CRPPA: variants seen among roughly 807,000 people sequenced by gnomAD.
CRPPA encodes the protein D-ribitol-5-phosphate cytidylyltransferase.
CRPPA carries 43 observed loss-of-function variants against 52.0 expected under a neutral mutation model. The observed-to-expected ratio is 0.83, with a 90% CI of 0.65 to 1.07. The LOEUF (loss-of-function observed/expected upper bound fraction) is 1.07, where lower values mean the gene tolerates loss of function less well. CRPPA is among the 50% of genes least tolerant of loss of function. The pLI is 0.00. For missense variants in CRPPA, 629 were observed against 551.7 expected (o/e 1.14, Z -1.40); for synonymous variants, 250 against 203.5 (o/e 1.23, Z -1.94).
At chr7:16,127,777 A>C (rs1333859622) in intron 9 of CRPPA, among the ~76,000 whole-genome samples, 3 of 152,168 alleles carry the variant, frequency 2.0e-5, no homozygotes, top group Non-Finnish European at 4.4e-5. Context: ...ACCTGACTAT[A>C]GTTTTGGAGA....
chr7:16,355,449 T>G (rs1477917213), intron 3 of CRPPA, among the ~76,000 whole-genome samples: 1 of 152,220 alleles, frequency 6.6e-6, no homozygotes, highest in African/African-American at 2.4e-5. Flanking sequence ...CTGTTCTGGT[T>G]GTTCATATCT....
intron 9 of CRPPA, among the ~76,000 whole-genome samples, chr7:16,138,227 C>T (rs17359782): frequency 0.14 from 20,619 of 152,060 alleles, 1,862 homozygotes; most frequent in South Asian, 0.37. Flanking sequence ...GTTTACTTAC[C>T]ACCTACAATA....
intron 6 of CRPPA, among the ~76,000 whole-genome samples, chr7:16,273,072 G>A (rs1049031891): frequency 2.0e-5 from 3 of 150,596 alleles, no homozygotes; most frequent in African/African-American, 4.9e-5. Context: ...CCATTAACTC[G>A]TCATTTAGCA....
intron 8 of CRPPA, among the ~76,000 whole-genome samples, chr7:16,237,037 G>T (rs548251993): frequency 1.3e-5 from 2 of 151,812 alleles, no homozygotes; most frequent in African/African-American, 4.8e-5. Flanking sequence ...ATCTTCATCT[G>T]CCTATTCAAC....
chr7:16,099,046 A>G (rs533529572), intron 9 of CRPPA, among the ~76,000 whole-genome samples: 2 of 152,260 alleles, frequency 1.3e-5, no homozygotes, highest in South Asian at 4.1e-4. Context: ...AGGGCCTTAC[A>G]ATACAGTAGG....
At chr7:16,392,831 C>A (rs751825795) in intron 2 of CRPPA, among the ~76,000 whole-genome samples, 8 of 152,056 alleles carry the variant, frequency 5.3e-5, no homozygotes, top group Non-Finnish European at 1.0e-4. Context: ...CCCTACCCAA[C>A]AAACAGTGAA....
chr7:16,371,556 C>T (rs1786749197), intron 3 of CRPPA, among the ~76,000 whole-genome samples: 1 of 151,614 alleles, frequency 6.6e-6, no homozygotes, highest in African/African-American at 2.4e-5. Context: ...AACCCACAGT[C>T]CAATCAAAAA....
chr7:16,168,724 G>A (rs1781117742), intron 9 of CRPPA, among the ~76,000 whole-genome samples: 1 of 152,038 alleles, frequency 6.6e-6, no homozygotes, highest in African/African-American at 2.4e-5. Context: ...CTCAATGGCT[G>A]TACAAATAAA....
At chr7:16,214,559 G>A (rs1489520442) in intron 9 of CRPPA, among the ~76,000 whole-genome samples, 3 of 151,922 alleles carry the variant, frequency 2.0e-5, no homozygotes, top group East Asian at 1.9e-4. Context: ...GTGCAGGGGC[G>A]GCAACCTCTG....
In CRPPA at chr7:16,403,282, C is replaced by T. The variant is rs187739187; in HGVS notation, c.534+2779G>A. 5.9e-5 allele frequency among the ~76,000 whole-genome samples: 9 copies of T among 152,240 alleles called. No individual in the cohort carries two copies. In the East Asian group the frequency reaches 1.5e-3, roughly 26 times the overall value. On this transcript the variant is annotated intron_variant, in intron 2 of 9. Coordinates refer to ENST00000407010, the MANE Select transcript of CRPPA (RefSeq NM_001101426.4). Reference sequence around the variant, plus strand: ...CCCTGTAGGGCCTGACAATGTAATACAGGCAAAAAGAAAAACTGGGTCCTT... The same window carrying T: ...CCCTGTAGGGCCTGACAATGTAATATAGGCAAAAAGAAAAACTGGGTCCTT...
At chr7:16,117,400 G>C (rs1342756690) in intron 9 of CRPPA, among the ~76,000 whole-genome samples, 2 of 152,110 alleles carry the variant, frequency 1.3e-5, no homozygotes, top group Non-Finnish European at 2.9e-5. Flanking sequence ...CTTTCCTTCA[G>C]GCATTTGCTT....
chr7:16,134,927 A>C (rs1045203631), intron 9 of CRPPA, among the ~76,000 whole-genome samples: 4 of 152,226 alleles, frequency 2.6e-5, no homozygotes, highest in African/African-American at 9.6e-5. Flanking sequence ...AAAAATACAG[A>C]AACATTTTAT....
chr7:16,296,769 T>C (rs560025358), intron 5 of CRPPA, among the ~76,000 whole-genome samples: 12 of 152,332 alleles, frequency 7.9e-5, no homozygotes, highest in Admixed American at 7.2e-4. Context: ...TGGAATTTTA[T>C]TATTTTTTCT....
chr7:16,204,194 AT>A (rs1373432097), intron 9 of CRPPA, among the ~76,000 whole-genome samples: 1 of 152,164 alleles, frequency 6.6e-6, no homozygotes, highest in Admixed American at 6.6e-5. Flanking sequence ...TGGACAAAAA[AT>A]TTTTACACAC....
At chr7:16,093,791 T>G (rs1336858364) in intron 9 of CRPPA, among the ~76,000 whole-genome samples, 1 of 152,190 alleles carries the variant, frequency 6.6e-6, no homozygotes, top group Non-Finnish European at 1.5e-5. Context: ...ACAAACCAAC[T>G]ATTGATATGC....
chr7:16,342,782 A>ATAT (rs1288372117), intron 3 of CRPPA, among the ~76,000 whole-genome samples: 1 of 76,516 alleles, frequency 1.3e-5, no homozygotes, highest in East Asian at 2.6e-4. Flanking sequence ...AAAAAAAAAA[A>ATAT]ATATATATAT....
chr7:16,103,660 A>C (rs2128364758), intron 9 of CRPPA, among the ~76,000 whole-genome samples: 1 of 152,166 alleles, frequency 6.6e-6, no homozygotes, highest in East Asian at 1.9e-4. Context: ...ATACTAACAC[A>C]CCCAAGTCTG....
At chr7:16,375,532 T>C (rs1013420287) in intron 3 of CRPPA, among the ~76,000 whole-genome samples, 1 of 152,188 alleles carries the variant, frequency 6.6e-6, no homozygotes, top group Admixed American at 6.5e-5. Context: ...AGGAGCTGTA[T>C]AGATAACTTA....
At chr7:16,124,602 A>C (rs1244102022) in intron 9 of CRPPA, among the ~76,000 whole-genome samples, 1 of 152,180 alleles carries the variant, frequency 6.6e-6, no homozygotes, top group Admixed American at 6.5e-5. Context: ...TAGTAGATAC[A>C]AAATTACAGC....
Sources: gnomAD v4.1 joint callset for allele counts (sites outside exome capture counted in the v4.1 genomes callset) on GRCh38, gnomAD v4.1.1 for gene constraint, MANE v1.5 for transcripts, NCBI Gene and HGNC (gene_info 2026-07-23, HGNC 2026-07-21) for gene names.